THAP4: variants seen among roughly 807,000 people sequenced by gnomAD.
THAP4 encodes the protein THAP domain containing 4.
In THAP4, 18 loss-of-function variants were observed where a neutral mutation model predicts 48.1. The ratio of observed to expected loss-of-function variants is 0.37; its 90% CI spans 0.26 to 0.56. The LOEUF (loss-of-function observed/expected upper bound fraction) is 0.56, where lower values mean the gene tolerates loss of function less well. Among genes scored for constraint, THAP4 ranks in the 20% least tolerant of loss-of-function variants. The probability of loss-of-function intolerance (pLI) is 0.78; values close to 1 mark genes in which losing one functional copy is unlikely to be tolerated. For missense variants in THAP4, 656 were observed against 774.9 expected (o/e 0.85, Z 1.82); for synonymous variants, 345 against 324.9 (o/e 1.06, Z -0.66).
intron 2 of THAP4, among the ~76,000 whole-genome samples, chr2:241,631,095 C>T (rs1191997840): frequency 1.3e-5 from 2 of 152,144 alleles, no homozygotes; most frequent in African/African-American, 4.8e-5. Flanking sequence ...AAACAGTATA[C>T]AATTTCAACC....
At chr2:241,623,293 G>A (rs2067457257) in intron 2 of THAP4, among the ~76,000 whole-genome samples, 2 of 149,940 alleles carry the variant, frequency 1.3e-5, no homozygotes, top group Non-Finnish European at 3.0e-5. Context: ...TAAAAGTAAA[G>A]GGATAGGCCA....
chr2:241,634,925 A>G (rs2067616927), intron 1 of THAP4, among the ~76,000 whole-genome samples: 1 of 152,266 alleles, frequency 6.6e-6, no homozygotes, highest in African/African-American at 2.4e-5. Flanking sequence ...TACCACTCAC[A>G]TGAGGTACTC....
intron 4 of THAP4, chr2:241,602,301 G>A (rs2067124695): frequency 2.5e-6 from 1 of 401,828 alleles, no homozygotes; most frequent in South Asian, 5.4e-5. Flanking sequence ...AGTGGCAGAA[G>A]TCGCAGGTGG....
At chr2:241,617,023 C>T (rs376775660) in intron 2 of THAP4, among the ~76,000 whole-genome samples, 7 of 152,266 alleles carry the variant, frequency 4.6e-5, no homozygotes, top group East Asian at 1.9e-4. Context: ...TAGCCACTGT[C>T]CCTCCTTGTT....
At chr2:241,589,704 CAT>C (rs754714323) in intron 5 of THAP4, among the ~76,000 whole-genome samples, 184 of 149,602 alleles carry the variant, frequency 1.2e-3, no homozygotes, top group Non-Finnish European at 2.1e-3. Flanking sequence ...GGAAAAAAAA[CAT>C]GTGTCCACAC....
chr2:241,607,913 A>T (rs1575026819), intron 2 of THAP4, among the ~76,000 whole-genome samples: 1 of 117,328 alleles, frequency 8.5e-6, no homozygotes, highest in Non-Finnish European at 1.7e-5. Context: ...TGACGGGGAC[A>T]GGATCAGGAC....
At chr2:241,627,882 C>T (rs1164799903) in intron 2 of THAP4, among the ~76,000 whole-genome samples, 3 of 152,164 alleles carry the variant, frequency 2.0e-5, no homozygotes, top group Non-Finnish European at 2.9e-5. Context: ...GTGGTGCCTG[C>T]ACCTGTCCCT....
At chr2:241,604,261 A>T (rs547062453) in intron 3 of THAP4, among the ~76,000 whole-genome samples, 126 of 150,030 alleles carry the variant, frequency 8.4e-4, no homozygotes, top group Middle Eastern at 3.5e-3. Context: ...TTATTTATTT[A>T]TTTTTTGAGA....
At chr2:241,590,081 C>A (rs1210176439) in intron 5 of THAP4, among the ~76,000 whole-genome samples, 2 of 150,342 alleles carry the variant, frequency 1.3e-5, no homozygotes, top group Non-Finnish European at 2.9e-5. Flanking sequence ...ATGATGGGCA[C>A]TAGGACACGC....
chr2:241,588,405 G>A (rs1433760116), intron 5 of THAP4, among the ~76,000 whole-genome samples: 1 of 152,170 alleles, frequency 6.6e-6, no homozygotes, highest in African/African-American at 2.4e-5. Flanking sequence ...CAATGAAAAT[G>A]TTTCTAGAAA....
chr2:241,634,509 C>T (rs1283406789), intron 1 of THAP4, among the ~76,000 whole-genome samples: 1 of 152,194 alleles, frequency 6.6e-6, no homozygotes, highest in Non-Finnish European at 1.5e-5. Flanking sequence ...CATCCACAGA[C>T]ACTAGGGCGT....
intron 2 of THAP4, among the ~76,000 whole-genome samples, chr2:241,614,091 C>G (rs2067310270): frequency 1.3e-5 from 2 of 150,994 alleles, no homozygotes; most frequent in Non-Finnish European, 1.5e-5. Flanking sequence ...GAGGTTGAGG[C>G]TGCAGTGAGC....
At chr2:241,590,899 G>C (rs2066965972) in intron 5 of THAP4, among the ~76,000 whole-genome samples, 1 of 141,842 alleles carries the variant, frequency 7.1e-6, no homozygotes, top group Non-Finnish European at 1.6e-5. Flanking sequence ...TGGGCACTAG[G>C]ACACACAGAA....
intron 5 of THAP4, among the ~76,000 whole-genome samples, chr2:241,590,916 G>A (rs2066966383): frequency 2.8e-5 from 4 of 142,006 alleles, no homozygotes; most frequent in Non-Finnish European, 1.6e-5. Context: ...AGAACTGCCC[G>A]GCTGACGATG....
chr2:241,594,211 G>A (rs531190381), intron 5 of THAP4, among the ~76,000 whole-genome samples: 1 of 152,314 alleles, frequency 6.6e-6, no homozygotes, highest in South Asian at 2.1e-4. Context: ...AGAGAAGGAA[G>A]ATTAGTGGTA....
intron 2 of THAP4, among the ~76,000 whole-genome samples, chr2:241,620,342 A>C (rs1575034455): frequency 1.5e-5 from 1 of 67,564 alleles, no homozygotes; most frequent in Non-Finnish European, 2.7e-5. Context: ...TGAGTCAGTG[A>C]GTGAGGGGTG....
rs1575045061 is a variant in THAP4, at chr2:241,636,954, C to T, written c.64G>A (p.Val22Ile). 10 of 1,302,260 alleles carry T rather than the reference C, an allele frequency of 7.7e-6. No homozygotes were observed. The highest frequency in any genetic ancestry group is 5.2e-5 in the East Asian group (1 of 19,326). 80.7% of individuals were successfully genotyped at this position (1,302,260 alleles called of 1,614,324 possible). Residue 22 changes from valine to isoleucine, a missense_variant, in exon 1 of 6, where the codon GTC becomes ATC. Transcript: ENST00000407315. ...NRQGKGEKRAVSFHRFPLKDS... is the reference protein window; with the variant it reads ...NRQGKGEKRAISFHRFPLKDS... The stretch of plus-strand genomic sequence containing the variant: ...GGGCCCGCGTACCTGTGGAAGGAGA[C>T]GGCGCGCTTCTCGCCCTTTCCCTGC...
chr2:241,599,546 T>G (rs2067088033), intron 5 of THAP4, among the ~76,000 whole-genome samples: 1 of 152,086 alleles, frequency 6.6e-6, no homozygotes, highest in Non-Finnish European at 1.5e-5. Context: ...AACACTTGAG[T>G]TTACCCTAAC....
intron 5 of THAP4, among the ~76,000 whole-genome samples, chr2:241,589,019 C>T (rs1354642237): frequency 1.3e-5 from 2 of 152,100 alleles, no homozygotes; most frequent in Non-Finnish European, 2.9e-5. Context: ...CGAGACCGGC[C>T]TGGCCAACAT....
Sources: gnomAD v4.1 joint callset for allele counts (sites outside exome capture counted in the v4.1 genomes callset) on GRCh38, gnomAD v4.1.1 for gene constraint, MANE v1.5 for transcripts, NCBI Gene and HGNC (gene_info 2026-07-23, HGNC 2026-07-21) for gene names.